The following LRP8 variants were observed in gnomAD, a reference collection of about 807,000 sequenced individuals.
LRP8 encodes LDL receptor related protein 8.
Under a neutral mutation model 111.6 loss-of-function variants are expected in LRP8, and 46 were observed. That is an observed-to-expected ratio of 0.41 (90% confidence interval 0.33 to 0.53). LRP8 has a LOEUF of 0.53. Ranked by LOEUF, LRP8 falls within the 20% of genes least tolerant of loss-of-function variation. LRP8 has a pLI of 0.20. For synonymous variants in LRP8, 464 were observed against 511.2 expected, an observed-to-expected ratio of 0.91 and a Z score of 1.24; for missense variants, 959 against 1,297.4, an observed-to-expected ratio of 0.74 and a Z score of 4.01.
rs189830975 is a variant in LRP8 at position 53,293,980 on chromosome 1, A to G, written c.245-4291T>C. On this transcript the variant is annotated intron_variant, in intron 2 of 18. Coordinates refer to ENST00000306052, the MANE Select transcript of LRP8 (RefSeq NM_004631.5). This position sits in a 1 kb window ranked among gnomAD's most constrained non-coding sequence, Gnocchi z 4.9. ...CAGGCCGTTCAGTGCAATGAGCCCA[A>G]TAGTCCCTCGTGAAGAGACCATATC... Among the ~76,000 whole-genome samples the G allele has an allele frequency of 2.6e-5, 4 of 152,338 alleles. No individual in the cohort carries two copies. Among genetic ancestry groups the G allele is most frequent in the Non-Finnish European group, 5.9e-5 (4 of 68,020 alleles).
chr1:53,270,948 C>T (rs1038103666), intron 8 of LRP8, 80 bp downstream of exon 8: 45 of 1,601,392 alleles, frequency 2.8e-5, no homozygotes, highest in East Asian at 6.7e-5. Context: ...CACATGTACA[C>T]GCCCACTCCT....
At chr1:53,277,619 C>T (rs1044780374) in intron 4 of LRP8, among the ~76,000 whole-genome samples, 1 of 152,206 alleles carries the variant, frequency 6.6e-6, no homozygotes, top group Non-Finnish European at 1.5e-5. Context: ...AGTGCACAGG[C>T]TCCCACCTCC....
In LRP8 at chr1:53,245,993, T is replaced by G. The variant is rs1645717253; in HGVS notation, c.*1025A>C. On this transcript the variant is annotated 3_prime_UTR_variant, in exon 19 of 19. Coordinates refer to ENST00000306052, the MANE Select transcript of LRP8 (RefSeq NM_004631.5). Reference sequence around the variant, plus strand: ...TCAACCCAAGTGTCCTGAAAGAAATTGAAGAAGTTACTCAAAGAGCTGAAC... The same window carrying G: ...TCAACCCAAGTGTCCTGAAAGAAATGGAAGAAGTTACTCAAAGAGCTGAAC... The G allele has an allele frequency of 6.6e-6, 1 of 152,476 alleles. No individual in the cohort carries two copies. The highest frequency in any genetic ancestry group is 1.5e-5 in the Non-Finnish European group (1 of 68,040). The allele number at this position is 152,476 out of a possible 1,614,324, so 9.4% of individuals were successfully genotyped here.
Position 53,318,409 on chromosome 1 carries a change from C to T in LRP8, c.244+8464G>A, listed in dbSNP as rs551364210. On this transcript the variant is annotated intron_variant, in intron 2 of 18. Transcript: ENST00000306052. Reference sequence around the variant, plus strand: ...AGGGAAGTCCTTCAGCTGCCTGCCTCGCTGGAAAGGAGAGCCATGGGGCCA... The same window carrying T: ...AGGGAAGTCCTTCAGCTGCCTGCCTTGCTGGAAAGGAGAGCCATGGGGCCA... Among the ~76,000 whole-genome samples, 4 of 152,034 alleles carry T rather than the reference C, an allele frequency of 2.6e-5. No homozygotes were observed. The East Asian group carries it at 5.8e-4, about 22-fold the overall frequency.
At chr1:53,327,119 T>C in intron 1 of LRP8, 127 bp from the exon 2 acceptor site, 1 of 1,316,856 alleles carries the variant, frequency 7.6e-7, no homozygotes, top group South Asian at 1.4e-5. Flanking sequence ...CCCCGGGGGC[T>C]TCAGGCACAC....
intron 3 of LRP8, among the ~76,000 whole-genome samples, chr1:53,282,959 G>A (rs1306520603): frequency 6.6e-6 from 1 of 152,096 alleles, no homozygotes; most frequent in East Asian, 1.9e-4. Flanking sequence ...GGAGGGGGAG[G>A]GGAGTCCCAG....
In LRP8 at chr1:53,294,165, T is replaced by A. The variant is rs902810477; in HGVS notation, c.245-4476A>T. Among the ~76,000 whole-genome samples, 2 of 152,172 alleles carry A rather than the reference T, an allele frequency of 1.3e-5. No homozygotes were observed. Among genetic ancestry groups the A allele is most frequent in the African/African-American group, 4.8e-5 (2 of 41,444 alleles). On this transcript the variant is annotated intron_variant, in intron 2 of 18. Coordinates refer to ENST00000306052, the MANE Select transcript of LRP8 (RefSeq NM_004631.5). The surrounding 1 kb of genome is among the most constrained non-coding windows in gnomAD (Gnocchi z 4.1). ...GTTTCCAGGGATTTATGTCCCCCCA[T>A]GCCAGTCTGCCCCTTGGACAATGCC...
chr1:53,320,013 A>G (rs2100545069), intron 2 of LRP8, among the ~76,000 whole-genome samples: 1 of 152,376 alleles, frequency 6.6e-6, no homozygotes, highest in South Asian at 2.1e-4. Context: ...CAGCGGGGCC[A>G]CCCGGGGCAA....
chr1:53,307,171 A>G (rs1652130335), intron 2 of LRP8, among the ~76,000 whole-genome samples: 1 of 152,224 alleles, frequency 6.6e-6, no homozygotes. Context: ...GGTGCCAGCC[A>G]GGGCAGCAGC....
At chr1:53,327,388 G>A (rs922698551) in intron 1 of LRP8, 4 of 265,204 alleles carry the variant, frequency 1.5e-5, no homozygotes, top group African/African-American at 6.7e-5. Context: ...TCTCCGCCGC[G>A]CGCAGGGGTC....
At chr1:53,256,417 G>A (rs969756188) in intron 15 of LRP8, among the ~76,000 whole-genome samples, 1 of 152,226 alleles carries the variant, frequency 6.6e-6, no homozygotes. Context: ...CTGGTGAGAG[G>A]CTCTGCCCTC....
At chr1:53,325,912 C>T (rs1210732174) in intron 2 of LRP8, among the ~76,000 whole-genome samples, 3 of 152,218 alleles carry the variant, frequency 2.0e-5, no homozygotes, top group African/African-American at 7.2e-5. Context: ...TTTCTGTTCC[C>T]GGAGCTACAT....
chr1:53,286,727 G>A (rs1350807509), intron 3 of LRP8, among the ~76,000 whole-genome samples: 1 of 152,164 alleles, frequency 6.6e-6, no homozygotes, highest in Non-Finnish European at 1.5e-5. Context: ...ACAAGAATTG[G>A]GACCTTCTCT....
intron 2 of LRP8, among the ~76,000 whole-genome samples, chr1:53,316,971 G>A (rs919147822): frequency 6.6e-5 from 10 of 152,234 alleles, no homozygotes; most frequent in Non-Finnish European, 1.5e-4. Context: ...CAGACTTAGC[G>A]GGTATGGGAG....
In LRP8 at chr1:53,260,455, A is replaced by G; in HGVS notation, c.2056+9T>C. On this transcript the variant is annotated intron_variant, in intron 13 of 18. Coordinates refer to ENST00000306052, the MANE Select transcript of LRP8 (RefSeq NM_004631.5). ...GGGGACCTGGGACCTAGGACCAGAGACAGCTCACCTCTTGGCTGCTTCAGC... is the reference window on the plus strand; with the variant it reads ...GGGGACCTGGGACCTAGGACCAGAGGCAGCTCACCTCTTGGCTGCTTCAGC... 6.2e-7 allele frequency: 1 copy of G among 1,613,746 alleles called. No individual in the cohort carries two copies. The highest frequency in any genetic ancestry group is 2.2e-5 in the East Asian group (1 of 44,886).
chr1:53,273,637 T>C (rs1042877890), intron 6 of LRP8, among the ~76,000 whole-genome samples: 12 of 152,344 alleles, frequency 7.9e-5, no homozygotes, highest in African/African-American at 2.9e-4. Context: ...GGCTTCCCTG[T>C]CTCTTTTTCC....
chr1:53,309,292 T>C (rs1443494324), intron 2 of LRP8, among the ~76,000 whole-genome samples: 1 of 152,050 alleles, frequency 6.6e-6, no homozygotes, highest in Non-Finnish European at 1.5e-5. Context: ...AAAGAATTCA[T>C]GAAGTCATGC....
intron 15 of LRP8, 62 bp from the exon 16 acceptor site, chr1:53,255,247 C>A: frequency 4.7e-6 from 7 of 1,474,612 alleles, no homozygotes; most frequent in Non-Finnish European, 6.6e-6. Context: ...CCCCTACTGG[C>A]CTCAAGTGGT....
In LRP8 at chr1:53,275,800, A is replaced by G. The variant is rs1184598939; in HGVS notation, c.884-47T>C. On this transcript the variant is annotated intron_variant, in intron 5 of 18. Transcript: ENST00000306052. The surrounding 1 kb of genome is among the most constrained non-coding windows in gnomAD (Gnocchi z 4.4). Reference sequence around the variant, plus strand: ...AGAGGATCAGAGTCAGTGTGGTGCTAGGACAATTTCCCCACCACCCCAATC... The same window carrying G: ...AGAGGATCAGAGTCAGTGTGGTGCTGGGACAATTTCCCCACCACCCCAATC... 3 of 1,598,636 alleles carry G rather than the reference A, an allele frequency of 1.9e-6. No individual in the cohort carries two copies. The highest frequency in any genetic ancestry group is 1.7e-5 in the Admixed American group (1 of 58,628).
Sources: gnomAD v4.1 joint callset for allele counts (sites outside exome capture counted in the v4.1 genomes callset) on GRCh38, gnomAD v4.1.1 for gene constraint, Gnocchi (gnomAD v3.1) non-coding constraint, MANE v1.5 for transcripts, NCBI Gene and HGNC (gene_info 2026-07-23, HGNC 2026-07-21) for gene names.